Variants in KCNK2 observed in about 807,000 individuals in gnomAD.
KCNK2 encodes the protein potassium two pore domain channel subfamily K member 2, also known as potassium channel subfamily K member 2.
Under a neutral mutation model 40.5 loss-of-function variants are expected in KCNK2, and 21 were observed. The ratio of observed to expected loss-of-function variants is 0.52; its 90% CI spans 0.37 to 0.75. The LOEUF is 0.75. Ranked by LOEUF, KCNK2 falls within the 30% of genes least tolerant of loss-of-function variation. KCNK2 has a pLI of 0.00. For missense variants in KCNK2, 399 were observed against 531.6 expected (o/e 0.75, Z 2.45); for synonymous variants, 191 against 202.2 (o/e 0.94, Z 0.47).
intron 6 of KCNK2, among the ~76,000 whole-genome samples, chr1:215,195,659 A>G (rs985551199): frequency 2.6e-5 from 4 of 152,206 alleles, no homozygotes; most frequent in Non-Finnish European, 5.9e-5. Flanking sequence ...ATACAACTAA[A>G]CATATAGAAG....
At chr1:215,135,998 G>T (rs745746864) in intron 3 of KCNK2, among the ~76,000 whole-genome samples, 26 of 152,174 alleles carry the variant, frequency 1.7e-4, no homozygotes, top group Non-Finnish European at 2.6e-4. Flanking sequence ...CTCCCGAAGT[G>T]CTGGGATTAC....
At chr1:215,177,652 T>C (rs1271159648) in intron 5 of KCNK2, among the ~76,000 whole-genome samples, 7 of 150,468 alleles carry the variant, frequency 4.7e-5, no homozygotes, top group Admixed American at 6.6e-5. Flanking sequence ...TTGTCAAACA[T>C]CACATGACTG....
intron 3 of KCNK2, among the ~76,000 whole-genome samples, chr1:215,128,025 A>C (rs1275765815): frequency 6.6e-6 from 1 of 152,228 alleles, no homozygotes; most frequent in Non-Finnish European, 1.5e-5. Context: ...GTCAGGGAGA[A>C]GTGTGAATAA....
At chr1:215,191,677 C>T (rs1018279383) in intron 5 of KCNK2, among the ~76,000 whole-genome samples, 5 of 152,150 alleles carry the variant, frequency 3.3e-5, no homozygotes, top group African/African-American at 1.2e-4. Context: ...TTCCCAAAAC[C>T]TTTATACCTC....
In KCNK2 at chr1:215,117,604, C is replaced by G. The variant is rs890609848; in HGVS notation, c.358-7029C>G. ...TATTTAATTGCCATTTTGCCTGCAC[C>G]AAATGCTCAGATATTGGCAATTTTA... is the stretch of plus-strand genomic sequence containing the variant. On this transcript the variant is annotated intron_variant, in intron 2 of 6. Transcript: ENST00000444842. Among the ~76,000 whole-genome samples, 2 of 152,074 alleles carry G rather than the reference C, an allele frequency of 1.3e-5. 1 individual carries two copies. The highest frequency in any genetic ancestry group is 6.3e-3 in the Middle Eastern group (2 of 316).
At chr1:215,049,995 C>T (rs988161214) in intron 1 of KCNK2, among the ~76,000 whole-genome samples, 1 of 152,024 alleles carries the variant, frequency 6.6e-6, no homozygotes, top group Non-Finnish European at 1.5e-5. Flanking sequence ...AGAGCCTGTG[C>T]CTTCCTCCAT....
chr1:215,177,741 T>TGTGTATATATATATA (rs1553270860), intron 5 of KCNK2, among the ~76,000 whole-genome samples: 1 of 20,614 alleles, frequency 4.9e-5, no homozygotes, highest in African/African-American at 1.7e-4. Flanking sequence ...TATATATATA[T>TGTGTATATATATATA]TTTTTTTTTT....
intron 1 of KCNK2, among the ~76,000 whole-genome samples, chr1:215,075,335 A>G (rs191335256): frequency 1.4e-4 from 21 of 152,332 alleles, no homozygotes; most frequent in Middle Eastern, 3.4e-3. Context: ...ATTTTAATGA[A>G]TTTTGTAAAG....
At chr1:215,014,259 C>G (rs987572335) in intron 1 of KCNK2, among the ~76,000 whole-genome samples, 11 of 151,870 alleles carry the variant, frequency 7.2e-5, no homozygotes, top group Non-Finnish European at 4.4e-5. Context: ...AGGATTAACC[C>G]CACTTAACTG....
chr1:215,232,846 T>C (rs577620410), intron 6 of KCNK2, among the ~76,000 whole-genome samples: 98 of 152,176 alleles, frequency 6.4e-4, no homozygotes, highest in Non-Finnish European at 1.2e-3. Flanking sequence ...ATAGATTTCA[T>C]TTTAGATCCA....
intron 2 of KCNK2, among the ~76,000 whole-genome samples, chr1:215,092,632 G>GGTTCT (rs1659736906): frequency 6.6e-6 from 1 of 152,140 alleles, no homozygotes; most frequent in Non-Finnish European, 1.5e-5. Context: ...CCACTGATGT[G>GGTTCT]TGCATGGAAC....
intron 6 of KCNK2, among the ~76,000 whole-genome samples, chr1:215,227,250 A>C (rs1666420801): frequency 6.6e-6 from 1 of 152,188 alleles, no homozygotes; most frequent in African/African-American, 2.4e-5. Flanking sequence ...ATGCTAAGGA[A>C]GTACAGAGGG....
At chr1:215,197,831 C>G (rs1050441516) in intron 6 of KCNK2, among the ~76,000 whole-genome samples, 1 of 152,134 alleles carries the variant, frequency 6.6e-6, no homozygotes, top group African/African-American at 2.4e-5. Context: ...GAAACTTCAT[C>G]TCTACTAAAA....
chr1:215,171,932 CTCTCT>C, intron 4 of KCNK2, 60 bp from the exon 5 acceptor site: 1 of 1,111,374 alleles, frequency 9.0e-7, no homozygotes, highest in Non-Finnish European at 1.3e-6. Context: ...CTCTCTCTCT[CTCTCT>C]CTCTCCCCCC....
intron 3 of KCNK2, among the ~76,000 whole-genome samples, chr1:215,143,126 C>T (rs1237972855): frequency 2.0e-5 from 3 of 152,156 alleles, no homozygotes; most frequent in Non-Finnish European, 4.4e-5. Context: ...CTCTGCCTCC[C>T]AGGCCCTAGA....
At chr1:215,083,550 G>T in intron 1 of KCNK2, 119 bp downstream of exon 1, 1 of 767,086 alleles carries the variant, frequency 1.3e-6, no homozygotes, top group East Asian at 2.5e-5. Context: ...TCTTCGCTTC[G>T]CGTCCAAAGT....
intron 5 of KCNK2, among the ~76,000 whole-genome samples, chr1:215,185,525 T>C (rs967677132): frequency 2.6e-5 from 4 of 152,216 alleles, no homozygotes; most frequent in Admixed American, 6.5e-5. Context: ...TATAGTCCAA[T>C]AGAGTACACA....
intron 1 of KCNK2, among the ~76,000 whole-genome samples, chr1:215,062,038 T>C (rs183559844): frequency 7.9e-4 from 121 of 152,278 alleles, no homozygotes; most frequent in African/African-American, 2.7e-3. Context: ...TAATTTGTAA[T>C]ATAATAATAG....
At chr1:215,199,182 C>T (rs556395046) in intron 6 of KCNK2, among the ~76,000 whole-genome samples, 1 of 151,928 alleles carries the variant, frequency 6.6e-6, no homozygotes, top group East Asian at 1.9e-4. Flanking sequence ...GGGGTGGGTG[C>T]CTGTAGTCCC....
Sources: gnomAD v4.1 joint callset for allele counts (sites outside exome capture counted in the v4.1 genomes callset) on GRCh38, gnomAD v4.1.1 for gene constraint, MANE v1.5 for transcripts, NCBI Gene and HGNC (gene_info 2026-07-23, HGNC 2026-07-21) for gene names.